The following UGP2 variants were observed in gnomAD, a reference collection of about 807,000 sequenced individuals.
UGP2 encodes UDP-glucose pyrophosphorylase 2.
UGP2 carries 40 observed loss-of-function variants against 49.0 expected under a neutral mutation model. The observed-to-expected ratio is 0.82, with a 90% CI of 0.63 to 1.06. UGP2 has a LOEUF of 1.06. Ranked by LOEUF, UGP2 falls within the 50% of genes least tolerant of loss-of-function variation. The pLI, the probability that UGP2 is intolerant of heterozygous loss-of-function variation, is 0.00. For synonymous variants in UGP2, 225 were observed against 213.0 expected (o/e 1.06, Z -0.49); for missense variants, 460 against 603.5 (o/e 0.76, Z 2.49).
At chr2:63,857,576 G>C (rs775393138) in intron 2 of UGP2, 1 of 522,014 alleles carries the variant, frequency 1.9e-6, no homozygotes, top group South Asian at 1.5e-5. Context: ...TATTGCCGAG[G>C]CTGGTCTCAA....
intron 1 of UGP2, chr2:63,855,529 T>TG: frequency 3.5e-6 from 1 of 289,450 alleles, no homozygotes; most frequent in Non-Finnish European, 7.0e-6. Flanking sequence ...TGTTTTTTTT[T>TG]TTTTTTTTTT....
chr2:63,855,804 G>A, intron 1 of UGP2: 1 of 272,678 alleles, frequency 3.7e-6, no homozygotes, highest in Non-Finnish European at 7.3e-6. Flanking sequence ...GCCTCCCACA[G>A]TGTTGGGATT....
chr2:63,879,531 A>G (rs532129395), intron 3 of UGP2, among the ~76,000 whole-genome samples: 29 of 152,328 alleles, frequency 1.9e-4, no homozygotes, highest in African/African-American at 6.5e-4. Context: ...TTGTAATGAC[A>G]AGATGGGTCA....
At chr2:63,885,966 A>G in intron 6 of UGP2, 80 bp downstream of exon 6, 1 of 1,420,884 alleles carries the variant, frequency 7.0e-7, no homozygotes, top group Non-Finnish European at 9.3e-7. Context: ...TTTTTATTTG[A>G]AAGTTTCTAT....
chr2:63,847,862 G>C (rs1203395166), intron 1 of UGP2, among the ~76,000 whole-genome samples: 1 of 152,194 alleles, frequency 6.6e-6, no homozygotes, highest in African/African-American at 2.4e-5. Flanking sequence ...GGGCGTATAC[G>C]TGCAAGTCAC....
chr2:63,882,382 G>C, intron 3 of UGP2, 84 bp from the exon 4 acceptor site: 1 of 1,231,284 alleles, frequency 8.1e-7, no homozygotes, highest in Non-Finnish European at 1.1e-6. Context: ...CTTTATGGAA[G>C]CATGGAAATA....
intron 9 of UGP2, among the ~76,000 whole-genome samples, chr2:63,890,395 AAAAT>A (rs1672027985): frequency 1.3e-5 from 2 of 152,342 alleles, no homozygotes; most frequent in East Asian, 3.9e-4. Context: ...AAGCAGAAAA[AAAAT>A]GACAATTTGT....
chr2:63,842,814 A>G (rs1671660619), intron 1 of UGP2, among the ~76,000 whole-genome samples: 1 of 152,180 alleles, frequency 6.6e-6, no homozygotes, highest in South Asian at 2.1e-4. Flanking sequence ...GTTCCTTTGA[A>G]GTTTGAAAAC....
intron 1 of UGP2, 71 bp from the exon 2 acceptor site, chr2:63,856,235 G>T: frequency 6.4e-7 from 1 of 1,557,538 alleles, no homozygotes; most frequent in Non-Finnish European, 8.7e-7. Context: ...CCAGAAATCA[G>T]TTATAGCTTA....
At chr2:63,874,230 G>A (rs747940950) in intron 3 of UGP2, among the ~76,000 whole-genome samples, 6 of 152,176 alleles carry the variant, frequency 3.9e-5, no homozygotes. Context: ...TGCCATGCCA[G>A]TGCTTTATTT....
chr2:63,857,682 A>G (rs1345103892), intron 2 of UGP2, 147 bp from the exon 3 acceptor site: 4 of 818,628 alleles, frequency 4.9e-6, no homozygotes, highest in Admixed American at 2.1e-5. Context: ...AGCTTTTAGG[A>G]TGTGAAAAAG....
Position 63,856,438 on chromosome 2 carries a change from G to A in UGP2, c.147+5G>A. On this transcript the variant is annotated splice_donor_5th_base_variant and intron_variant, in intron 2 of 9. Coordinates refer to ENST00000337130, the MANE Select transcript of UGP2 (RefSeq NM_006759.4). ...GCATCATCACATGAATTTGAGGTAA[G>A]GAGGTTTCTACAGTGTTCCACCCCC... 6 of 1,609,754 alleles carry A rather than the reference G, an allele frequency of 3.7e-6. No individual in the cohort carries two copies. The highest frequency in any genetic ancestry group is 5.1e-6 in the Non-Finnish European group (6 of 1,179,706).
Position 63,890,190 on chromosome 2 carries a change from G to T in UGP2, c.1419+5G>T. 6.3e-7 allele frequency: 1 copy of T among 1,584,592 alleles called. No individual in the cohort carries two copies. The highest frequency in any genetic ancestry group is 1.1e-5 in the South Asian group (1 of 88,428). On this transcript the variant is annotated splice_donor_5th_base_variant and intron_variant, in intron 9 of 9. Transcript: ENST00000337130. The stretch of plus-strand genomic sequence containing the variant: ...GGAAAAAATGTTTCATTAAAGGTAT[G>T]TTGTTACAATGAAAATTATATTTCT...
At position 63,887,588 on chromosome 2, in the gene UGP2, G is replaced by A. The variant is rs1319421745; in HGVS notation, c.1258G>A (p.Glu420Lys). ...TAATGCAGGATCTCTGACAATGAGT[G>A]AAAAGCGGGAATTTCCTACAGTGCC... The part of the protein sequence containing the change: ...SLNAGSLTMS[E>K]KREFPTVPLV... Residue 420 changes from glutamate (E) to lysine (K), a missense_variant, in exon 8 of 10, where the codon GAA (glutamate) becomes AAA (lysine). Physicochemically the swap from Glu to Lys is moderately conservative, Grantham distance 56. This residue lies in a region of UGP2 where 317 missense variants were observed against 473.0 expected (regional missense o/e 0.67). Transcript: ENST00000337130. 1 of 1,614,154 alleles carries A rather than the reference G, an allele frequency of 6.2e-7. No individual in the cohort carries two copies. The highest frequency in any genetic ancestry group is 2.2e-5 in the East Asian group (1 of 44,884).
Position 63,856,359 on chromosome 2 carries a change from C to T in UGP2, c.73C>T (p.Arg25Trp). 2 of 1,613,882 alleles carry T rather than the reference C, an allele frequency of 1.2e-6. No individual in the cohort carries two copies. The highest frequency in any genetic ancestry group is 1.7e-6 in the Non-Finnish European group (2 of 1,179,988). ...DGASQFQEVIRQELELSVKKE... is the reference protein window; with the variant it reads ...DGASQFQEVIWQELELSVKKE... The stretch of plus-strand genomic sequence containing the variant: ...TGCTTCTCAGTTCCAAGAAGTCATT[C>T]GGCAAGAGCTAGAATTATCTGTGAA... The change falls in exon 2 of 10, where the codon CGG becomes TGG. Residue 25 changes from arginine (R) to tryptophan (W), a missense_variant. Around this residue, in one of 2 missense-constraint regions of UGP2, gnomAD observed 143 missense variants for 130.4 expected, o/e 1.10. Coordinates refer to ENST00000337130, the MANE Select transcript of UGP2 (RefSeq NM_006759.4).
chr2:63,882,447 A>G lies in UGP2; in HGVS notation c.256-19A>G. 6.4e-6 allele frequency: 10 copies of G among 1,551,314 alleles called. No homozygotes were observed. Among genetic ancestry groups the G allele is most frequent in the Non-Finnish European group, 6.1e-6 (7 of 1,138,882 alleles). ...TTAAAGCTGTTTAAATTACTCCTATAATGTTATTTTTCTTTCAGATTCAAC... is the reference window on the plus strand; with the variant it reads ...TTAAAGCTGTTTAAATTACTCCTATGATGTTATTTTTCTTTCAGATTCAAC... On this transcript the variant is annotated intron_variant, in intron 3 of 9. Transcript: ENST00000337130.
At chr2:63,855,281 TAACAGGCA>T (rs1669313139) in intron 1 of UGP2, 1 of 339,484 alleles carries the variant, frequency 2.9e-6, no homozygotes, top group Non-Finnish European at 5.7e-6. Context: ...TCTGCTAAAT[TAACAGGCA>T]TTTGTAAAAA....
At chr2:63,884,888 C>A (rs1671552107) in intron 5 of UGP2, among the ~76,000 whole-genome samples, 1 of 151,298 alleles carries the variant, frequency 6.6e-6, no homozygotes, top group African/African-American at 2.4e-5. Flanking sequence ...CAGAGCAAGA[C>A]CCTATCTCAA....
chr2:63,847,405 A>G (rs1558931530), intron 1 of UGP2, among the ~76,000 whole-genome samples: 2 of 152,210 alleles, frequency 1.3e-5, no homozygotes, highest in Admixed American at 1.3e-4. Context: ...AAGTGTTTCA[A>G]ATAAAAGAAA....
Sources: gnomAD v4.1 joint callset for allele counts (sites outside exome capture counted in the v4.1 genomes callset) on GRCh38, gnomAD v4.1.1 for gene constraint, gnomAD v4.1.1 regional missense constraint, MANE v1.5 for transcripts, NCBI Gene and HGNC (gene_info 2026-07-23, HGNC 2026-07-21) for gene names.